ENOX1: variants seen among roughly 807,000 people sequenced by gnomAD.
ENOX1 encodes ecto-NOX disulfide-thiol exchanger 1.
Under a neutral mutation model 82.5 loss-of-function variants are expected in ENOX1, and 42 were observed. The observed-to-expected ratio is 0.51, with a 90% confidence interval of 0.40 to 0.66. The LOEUF is 0.66. ENOX1 is among the 30% of genes least tolerant of loss of function. The pLI is 0.00. For missense variants in ENOX1, 608 were observed against 811.6 expected (o/e 0.75, Z 3.05); for synonymous variants, 271 against 282.2 (o/e 0.96, Z 0.40).
At chr13:43,599,989 A>T (rs1705583030) in intron 2 of ENOX1, among the ~76,000 whole-genome samples, 1 of 151,898 alleles carries the variant, frequency 6.6e-6, no homozygotes, top group Non-Finnish European at 1.5e-5. Flanking sequence ...CTGACTAAAG[A>T]GCACTTTGAC....
rs61961664 is a variant in ENOX1 at position 43,573,149 on chromosome 13, G to C, written c.-218-88997C>G. ...GGTCAAGGAAATCACATAAAGCATG[G>C]AGAACTAATAGCAGGCTTGCATGCT... On this transcript the variant is annotated intron_variant, in intron 2 of 16. Transcript: ENST00000690772. 9.7e-3 allele frequency among the ~76,000 whole-genome samples: 1,480 copies of C among 152,272 alleles called. 12 individuals are homozygous for C. Among genetic ancestry groups the C allele is most frequent in the Non-Finnish European group, 0.012 (822 of 68,016 alleles).
chr13:43,651,653 C>T (rs1046461955), intron 2 of ENOX1, among the ~76,000 whole-genome samples: 1 of 142,844 alleles, frequency 7.0e-6, no homozygotes, highest in Admixed American at 7.7e-5. Flanking sequence ...GCTGAGAGCA[C>T]ACCACGACAC....
intron 5 of ENOX1, among the ~76,000 whole-genome samples, chr13:43,374,841 G>A (rs1183717786): frequency 6.6e-6 from 1 of 152,202 alleles, no homozygotes; most frequent in Non-Finnish European, 1.5e-5. Context: ...GAAATAGGCT[G>A]TGGTTTACAC....
intron 2 of ENOX1, among the ~76,000 whole-genome samples, chr13:43,539,929 T>TA (rs763213222): frequency 8.4e-4 from 128 of 152,306 alleles, no homozygotes; most frequent in Non-Finnish European, 1.6e-3. Flanking sequence ...AATTTTTTTT[T>TA]ATTTAAGGTC....
chr13:43,458,194 G>T (rs2057313786), intron 3 of ENOX1, among the ~76,000 whole-genome samples: 1 of 152,072 alleles, frequency 6.6e-6, no homozygotes, highest in African/African-American at 2.4e-5. Context: ...CAAAAAGCTT[G>T]ACTTTACAGT....
intron 5 of ENOX1, among the ~76,000 whole-genome samples, chr13:43,408,914 G>GA (rs149057223): frequency 0.012 from 1,734 of 150,598 alleles, 30 homozygotes; most frequent in African/African-American, 0.04. Flanking sequence ...ACTCATAAAT[G>GA]AAAAATTAAA....
At chr13:43,702,803 A>T (rs1424701319) in intron 1 of ENOX1, among the ~76,000 whole-genome samples, 1 of 151,928 alleles carries the variant, frequency 6.6e-6, no homozygotes, top group Admixed American at 6.6e-5. Context: ...ATACAAAAAA[A>T]TTAGCTGAGC....
At chr13:43,705,362 T>TATTC (rs34089365) in intron 1 of ENOX1, among the ~76,000 whole-genome samples, 8 of 146,220 alleles carry the variant, frequency 5.5e-5, no homozygotes, top group Non-Finnish European at 8.9e-5. Context: ...TATATATATA[T>TATTC]GTAACACTCC....
At position 43,580,704 on chromosome 13, in the gene ENOX1, G is replaced by T. The variant is rs190567260; in HGVS notation, c.-219+86775C>A. Among the ~76,000 whole-genome samples the T allele has an allele frequency of 6.6e-5, 10 of 152,260 alleles. No individual in the cohort carries two copies. The East Asian group carries it at 1.7e-3, about 26-fold the overall frequency. ...TACAGTCCTTCCTCACTGTTTGCACGCAATTATTGGTAAGCTCATTCTGAG... is the reference window on the plus strand; with the variant it reads ...TACAGTCCTTCCTCACTGTTTGCACTCAATTATTGGTAAGCTCATTCTGAG... On this transcript the variant is annotated intron_variant, in intron 2 of 16. Transcript: ENST00000690772.
intron 2 of ENOX1, among the ~76,000 whole-genome samples, chr13:43,642,641 T>C (rs1334485962): frequency 6.6e-6 from 1 of 152,190 alleles, no homozygotes; most frequent in Non-Finnish European, 1.5e-5. Flanking sequence ...TTTGCCCCAA[T>C]GTTCAAGGAG....
chr13:43,470,249 C>CGT (rs1566304765), intron 3 of ENOX1, among the ~76,000 whole-genome samples: 2 of 52,728 alleles, frequency 3.8e-5, no homozygotes, highest in African/African-American at 1.2e-4. Context: ...TATATATATA[C>CGT]ATATATATAT....
chr13:43,275,214 G>A (rs1289177829), intron 12 of ENOX1, among the ~76,000 whole-genome samples: 1 of 152,292 alleles, frequency 6.6e-6, no homozygotes, highest in Non-Finnish European at 1.5e-5. Flanking sequence ...ATACTTCTGT[G>A]AGCGGTGTGT....
chr13:43,779,483 C>T (rs1229277784), intron 1 of ENOX1, among the ~76,000 whole-genome samples: 1 of 152,156 alleles, frequency 6.6e-6, no homozygotes, highest in Non-Finnish European at 1.5e-5. Context: ...AGAGAAACCC[C>T]AGGTGGGGAA....
chr13:43,295,817 T>C (rs1452812516), intron 12 of ENOX1, among the ~76,000 whole-genome samples: 1 of 152,194 alleles, frequency 6.6e-6, no homozygotes. Flanking sequence ...TAGATCATGA[T>C]AGAAACAAGA....
intron 5 of ENOX1, among the ~76,000 whole-genome samples, chr13:43,396,307 C>T (rs751216389): frequency 2.0e-5 from 3 of 152,180 alleles, no homozygotes; most frequent in Admixed American, 1.3e-4. Context: ...GTGACTGACT[C>T]GGTAGGAGCT....
intron 2 of ENOX1, among the ~76,000 whole-genome samples, chr13:43,502,980 T>C (rs938753118): frequency 2.0e-5 from 3 of 151,608 alleles, no homozygotes; most frequent in African/African-American, 7.2e-5. Context: ...AAGAAGTCCA[T>C]ACACACAGAA....
intron 3 of ENOX1, among the ~76,000 whole-genome samples, chr13:43,467,353 T>C (rs2057774921): frequency 6.6e-6 from 1 of 152,224 alleles, no homozygotes; most frequent in African/African-American, 2.4e-5. Context: ...TGATAGACTA[T>C]AGTAATTCGA....
intron 2 of ENOX1, among the ~76,000 whole-genome samples, chr13:43,620,580 CCAG>C (rs1257891520): frequency 6.6e-6 from 1 of 152,064 alleles, no homozygotes; most frequent in Non-Finnish European, 1.5e-5. Context: ...GAGTTGATTT[CCAG>C]TTTTATTCCA....
At chr13:43,624,093 T>C (rs1004652182) in intron 2 of ENOX1, among the ~76,000 whole-genome samples, 1 of 152,216 alleles carries the variant, frequency 6.6e-6, no homozygotes, top group Non-Finnish European at 1.5e-5. Flanking sequence ...CATTTGATGT[T>C]GTCAGTAGTT....
Sources: allele counts gnomAD v4.1 joint callset (sites outside exome capture counted in the v4.1 genomes callset), GRCh38; gene constraint gnomAD v4.1.1; transcripts MANE v1.5; gene names NCBI Gene and HGNC (gene_info 2026-07-23, HGNC 2026-07-21).